Variants in EYA4 observed in about 807,000 individuals in gnomAD.
EYA4 encodes the protein EYA transcriptional coactivator and phosphatase 4.
In EYA4, 31 loss-of-function variants were observed where a neutral mutation model predicts 87.9. The ratio of observed to expected loss-of-function variants is 0.35; its 90% CI spans 0.27 to 0.48. EYA4 has a LOEUF of 0.48. EYA4 is among the 20% of genes least tolerant of loss of function. The pLI is 0.99. For missense variants in EYA4, 678 were observed against 761.4 expected (o/e 0.89, Z 1.29); for synonymous variants, 263 against 270.6 (o/e 0.97, Z 0.28).
intron 5 of EYA4, 46 bp downstream of exon 5, chr6:133,448,225 T>C (rs1356155161): frequency 1.4e-6 from 2 of 1,418,772 alleles, no homozygotes; most frequent in Non-Finnish European, 2.0e-6. Flanking sequence ...TGTGTGGATT[T>C]GCCCCTCTGG....
At chr6:133,340,651 G>A (rs1384458915) in intron 2 of EYA4, among the ~76,000 whole-genome samples, 3 of 152,152 alleles carry the variant, frequency 2.0e-5, no homozygotes, top group Non-Finnish European at 2.9e-5. Flanking sequence ...CAGAAAAGAA[G>A]CCAAGAGGCG....
intron 1 of EYA4, among the ~76,000 whole-genome samples, chr6:133,242,433 A>G (rs1429740492): frequency 1.3e-5 from 2 of 152,154 alleles, no homozygotes; most frequent in Non-Finnish European, 2.9e-5. Flanking sequence ...AGTCGCGTTC[A>G]TTGGCTCGAG....
In EYA4 at chr6:133,241,365, TC is replaced by T. The variant is rs1773924628; in HGVS notation, c.-448del. 6.6e-6 allele frequency: 1 copy of T among 152,138 alleles called. No homozygotes were observed. Among genetic ancestry groups the T allele is most frequent in the African/African-American group, 2.4e-5 (1 of 41,450 alleles). The allele number at this position is 152,138 out of a possible 1,614,324, so 9.4% of individuals were successfully genotyped here. A position where few individuals can be genotyped will look rare whatever the true frequency, so the allele number is the denominator to read the frequency against. On this transcript the variant is annotated 5_prime_UTR_variant, in exon 1 of 20. Transcript: ENST00000355286. ...CCGTTCCCGGCTTCCGCGCAAAACT[TC>T]CATCCTGTCCACGTGAAGTTGTCGC...
At chr6:133,457,937 C>G (rs891656764) in intron 6 of EYA4, among the ~76,000 whole-genome samples, 8 of 152,160 alleles carry the variant, frequency 5.3e-5, no homozygotes, top group African/African-American at 4.8e-5. Flanking sequence ...AATTTCAGAG[C>G]TCTCTGATCC....
chr6:133,356,621 T>C (rs910185028), intron 2 of EYA4, among the ~76,000 whole-genome samples: 14 of 152,096 alleles, frequency 9.2e-5, no homozygotes, highest in African/African-American at 3.4e-4. Flanking sequence ...GCCATTATTA[T>C]GAAGCAAGCC....
rs1198039365 is a variant in EYA4, at chr6:133,468,896, A to G, written c.970+165A>G. 3 of 730,404 alleles carry G rather than the reference A, an allele frequency of 4.1e-6. No individual in the cohort carries two copies. In the African/African-American group the frequency reaches 5.2e-5, roughly 13 times the overall value. 45.2% of individuals were successfully genotyped at this position (730,404 alleles called of 1,614,324 possible). ...TAAGACGAGGCTCTTCTGGCATTTC[A>G]GAAGATCCTTCTTTTAGATATGGGA... On this transcript the variant is annotated intron_variant, in intron 11 of 19. Coordinates refer to ENST00000355286, the MANE Select transcript of EYA4 (RefSeq NM_004100.5).
chr6:133,336,169 C>T (rs1201790345), intron 2 of EYA4, among the ~76,000 whole-genome samples: 2 of 152,076 alleles, frequency 1.3e-5, no homozygotes, highest in Non-Finnish European at 2.9e-5. Flanking sequence ...TTAACAGATG[C>T]TAAAATTGTT....
At chr6:133,400,526 A>T (rs951184476) in intron 3 of EYA4, among the ~76,000 whole-genome samples, 1 of 152,104 alleles carries the variant, frequency 6.6e-6, no homozygotes, top group Non-Finnish European at 1.5e-5. Flanking sequence ...AAAAGAAAAA[A>T]AAAATTATAT....
In EYA4 at chr6:133,256,961, T is replaced by C. The variant is rs375904324; in HGVS notation, c.-66+15212T>C. Among the ~76,000 whole-genome samples, 3 of 152,256 alleles carry C rather than the reference T, an allele frequency of 2.0e-5. No homozygotes were observed. In the South Asian group the frequency reaches 6.2e-4, roughly 32 times the overall value. Reference sequence around the variant, plus strand: ...GGCTATCAATTTTTGTGGGGTTTTTTTTCCTGCAGAATTTCCTGTTATTCT... The same window carrying C: ...GGCTATCAATTTTTGTGGGGTTTTTCTTCCTGCAGAATTTCCTGTTATTCT... On this transcript the variant is annotated intron_variant, in intron 1 of 19. Transcript: ENST00000355286.
intron 2 of EYA4, among the ~76,000 whole-genome samples, chr6:133,293,344 T>C (rs1297461208): frequency 1.3e-5 from 2 of 152,172 alleles, no homozygotes; most frequent in Non-Finnish European, 2.9e-5. Flanking sequence ...TTAATTCACA[T>C]GTAGACAAAC....
At chr6:133,356,064 A>C (rs934944668) in intron 2 of EYA4, among the ~76,000 whole-genome samples, 1 of 151,330 alleles carries the variant, frequency 6.6e-6, no homozygotes, top group Non-Finnish European at 1.5e-5. Context: ...AGAAAGAGAG[A>C]GAGAGAGAGA....
intron 5 of EYA4, among the ~76,000 whole-genome samples, chr6:133,451,435 A>T (rs1793431098): frequency 6.6e-6 from 1 of 152,222 alleles, no homozygotes; most frequent in African/African-American, 2.4e-5. Context: ...GTAATTCCAG[A>T]TTCTAATTTG....
At chr6:133,265,458 T>G (rs1422342879) in intron 1 of EYA4, among the ~76,000 whole-genome samples, 1 of 152,178 alleles carries the variant, frequency 6.6e-6, no homozygotes, top group African/African-American at 2.4e-5. Context: ...TATTATGAGG[T>G]AATGCTTCTC....
chr6:133,395,883 G>A (rs1156632109), intron 3 of EYA4, among the ~76,000 whole-genome samples: 1 of 152,232 alleles, frequency 6.6e-6, no homozygotes, highest in African/African-American at 2.4e-5. Flanking sequence ...CTTTTGGATA[G>A]AGAGTTTACT....
At chr6:133,363,697 G>T (rs1317237369) in intron 2 of EYA4, among the ~76,000 whole-genome samples, 1 of 151,964 alleles carries the variant, frequency 6.6e-6, no homozygotes, top group Non-Finnish European at 1.5e-5. Context: ...GGATGGTCTG[G>T]ATCTTCTGAC....
chr6:133,484,124 A>G (rs1796488340), intron 13 of EYA4, among the ~76,000 whole-genome samples: 1 of 152,166 alleles, frequency 6.6e-6, no homozygotes, highest in African/African-American at 2.4e-5. Flanking sequence ...TTGGCTAGAA[A>G]CACAGCTGTT....
chr6:133,260,601 G>A (rs1454608696), intron 1 of EYA4, among the ~76,000 whole-genome samples: 1 of 152,080 alleles, frequency 6.6e-6, no homozygotes, highest in Non-Finnish European at 1.5e-5. Flanking sequence ...GAGCAATTTT[G>A]CATTCCCCTG....
At chr6:133,364,471 G>T (rs1039182299) in intron 2 of EYA4, among the ~76,000 whole-genome samples, 1 of 152,156 alleles carries the variant, frequency 6.6e-6, no homozygotes, top group South Asian at 2.1e-4. Context: ...CAAGGTGAAG[G>T]ACTTCTGATA....
At chr6:133,367,236 T>A (rs77690104) in intron 2 of EYA4, among the ~76,000 whole-genome samples, 236 of 152,296 alleles carry the variant, frequency 1.5e-3, no homozygotes, top group African/African-American at 5.4e-3. Flanking sequence ...CTTTTTGTGA[T>A]TCTTGCTGCC....
Sources: gnomAD v4.1 joint callset for allele counts (sites outside exome capture counted in the v4.1 genomes callset) on GRCh38, gnomAD v4.1.1 for gene constraint, MANE v1.5 for transcripts, NCBI Gene and HGNC (gene_info 2026-07-23, HGNC 2026-07-21) for gene names.